PARD3B: variants seen among roughly 807,000 people sequenced by gnomAD.
PARD3B encodes the protein partitioning defective 3 homolog B.
Under a neutral mutation model 130.2 loss-of-function variants are expected in PARD3B, and 103 were observed. The ratio of observed to expected loss-of-function variants is 0.79; its 90% CI spans 0.67 to 0.93. The LOEUF (loss-of-function observed/expected upper bound fraction) is 0.93, where lower values mean the gene tolerates loss of function less well. Ranked by LOEUF, PARD3B falls within the 40% of genes least tolerant of loss-of-function variation. The pLI is 0.00. For missense variants in PARD3B, 1,609 were observed against 1,499.2 expected (o/e 1.07, Z -1.21); for synonymous variants, 583 against 553.2 (o/e 1.05, Z -0.76).
chr2:205,239,696 T>C (rs2039263783), intron 15 of PARD3B, among the ~76,000 whole-genome samples: 1 of 152,150 alleles, frequency 6.6e-6, no homozygotes, highest in South Asian at 2.1e-4. Flanking sequence ...ATATGGATAG[T>C]TGGATAACGA....
intron 1 of PARD3B, among the ~76,000 whole-genome samples, chr2:204,639,246 G>A (rs1398316723): frequency 6.6e-6 from 1 of 152,122 alleles, no homozygotes; most frequent in African/African-American, 2.4e-5. Flanking sequence ...GAAAGATGGG[G>A]CAGAACATAA....
intron 22 of PARD3B, among the ~76,000 whole-genome samples, chr2:205,593,447 A>T (rs2054460059): frequency 6.6e-6 from 1 of 152,190 alleles, no homozygotes. Context: ...GGTATTTTTC[A>T]GCTTCTGGTT....
At position 204,953,026 on chromosome 2, in the gene PARD3B, G is replaced by A. The variant is rs373828237; in HGVS notation, c.223-12126G>A. On this transcript the variant is annotated intron_variant, in intron 2 of 22. Transcript: ENST00000406610. ...AAAAAAAAAAGGTATATATATATAT[G>A]TGTGTATATATGTATATATGTATAT... is the stretch of plus-strand genomic sequence containing the variant. 6.6e-4 allele frequency among the ~76,000 whole-genome samples: 99 copies of A among 149,166 alleles called. No homozygotes were observed. In the East Asian group the frequency reaches 0.017, roughly 26 times the overall value.
At chr2:205,319,194 C>T (rs1038095540) in intron 18 of PARD3B, among the ~76,000 whole-genome samples, 2 of 152,116 alleles carry the variant, frequency 1.3e-5, no homozygotes, top group Non-Finnish European at 2.9e-5. Flanking sequence ...TTCAATAAAC[C>T]AGTAGAGCAC....
At chr2:204,897,143 T>G (rs2046667873) in intron 2 of PARD3B, among the ~76,000 whole-genome samples, 1 of 152,150 alleles carries the variant, frequency 6.6e-6, no homozygotes, top group African/African-American at 2.4e-5. Flanking sequence ...ACAAAATTAT[T>G]TATAATTTAG....
At chr2:205,072,228 A>T (rs1284335875) in intron 4 of PARD3B, among the ~76,000 whole-genome samples, 1 of 145,718 alleles carries the variant, frequency 6.9e-6, no homozygotes, top group Non-Finnish European at 1.5e-5. Context: ...CATAATTAAA[A>T]TAATTCAGGT....
At chr2:204,859,092 A>T (rs1183878300) in intron 2 of PARD3B, among the ~76,000 whole-genome samples, 1 of 152,034 alleles carries the variant, frequency 6.6e-6, no homozygotes, top group Admixed American at 6.6e-5. Context: ...TATTAAATAT[A>T]GTATGCTTCA....
At chr2:204,618,238 G>A (rs528562127) in intron 1 of PARD3B, among the ~76,000 whole-genome samples, 1 of 152,220 alleles carries the variant, frequency 6.6e-6, no homozygotes, top group African/African-American at 2.4e-5. Context: ...GCATATAGAG[G>A]GAACAGTGTG....
chr2:205,423,384 C>G (rs2047038937), intron 19 of PARD3B, among the ~76,000 whole-genome samples: 1 of 152,190 alleles, frequency 6.6e-6, no homozygotes, highest in African/African-American at 2.4e-5. Context: ...GTGGTTCTTT[C>G]ACCTGATACT....
In PARD3B at chr2:205,183,538, A is replaced by C. The variant is rs573849460; in HGVS notation, c.1925-2226A>C. 9.2e-4 allele frequency among the ~76,000 whole-genome samples: 140 copies of C among 152,250 alleles called. 1 individual carries two copies. The highest frequency in any genetic ancestry group is 1.1e-3 in the African/African-American group (45 of 41,552). ...CTAGGGTTGGAGGTGGTGCAGGGGCACAGTGCAGGCGCTGCCTTTGTGCTT... is the reference window on the plus strand; with the variant it reads ...CTAGGGTTGGAGGTGGTGCAGGGGCCCAGTGCAGGCGCTGCCTTTGTGCTT... On this transcript the variant is annotated intron_variant, in intron 13 of 22. Coordinates refer to ENST00000406610, the MANE Select transcript of PARD3B (RefSeq NM_001302769.2). This position sits in a 1 kb window ranked among gnomAD's most constrained non-coding sequence, Gnocchi z 5.2.
chr2:205,273,779 AT>A (rs1438102679), intron 16 of PARD3B, among the ~76,000 whole-genome samples: 2 of 152,202 alleles, frequency 1.3e-5, no homozygotes, highest in Non-Finnish European at 1.5e-5. Flanking sequence ...CTGACTCACA[AT>A]GTATACAGTC....
At chr2:205,134,210 C>T (rs1017287545) in intron 10 of PARD3B, among the ~76,000 whole-genome samples, 4 of 152,106 alleles carry the variant, frequency 2.6e-5, no homozygotes, top group African/African-American at 9.7e-5. Flanking sequence ...CTGCCCCTTA[C>T]CAGCATTTAC....
At chr2:205,331,782 C>CAAAAAAA (rs56654511) in intron 18 of PARD3B, among the ~76,000 whole-genome samples, 21,889 of 48,300 alleles carry the variant, frequency 0.45, 7,813 homozygotes, top group Admixed American at 0.56. Context: ...GACTCCGTCT[C>CAAAAAAA]AAAAAAAAAA....
At position 205,274,185 on chromosome 2, in the gene PARD3B, A is replaced by T. The variant is rs2040850792; in HGVS notation, c.2186-26345A>T. Among the ~76,000 whole-genome samples the T allele has an allele frequency of 6.6e-6, 1 of 152,136 alleles. No individual in the cohort carries two copies. Among genetic ancestry groups the T allele is most frequent in the Admixed American group, 6.5e-5 (1 of 15,280 alleles). On this transcript the variant is annotated intron_variant, in intron 16 of 22. Transcript: ENST00000406610. This position sits in a 1 kb window ranked among gnomAD's most constrained non-coding sequence, Gnocchi z 4.2. ...AATTACTATTGCCTATAATTTTCAT[A>T]TATATTATAACCTCTGAAGAGAATT...
chr2:205,179,885 TA>T (rs11292089), intron 13 of PARD3B, among the ~76,000 whole-genome samples: 113,906 of 151,922 alleles, frequency 0.75, 43,094 homozygotes, highest in African/African-American at 0.81. Flanking sequence ...AAGTGCATGC[TA>T]AAAAATACAA....
chr2:204,868,023 G>A (rs1363355623), intron 2 of PARD3B, among the ~76,000 whole-genome samples: 1 of 152,142 alleles, frequency 6.6e-6, no homozygotes, highest in Non-Finnish European at 1.5e-5. Context: ...GACTGTGAGT[G>A]TTCCCTGAGA....
intron 2 of PARD3B, among the ~76,000 whole-genome samples, chr2:204,933,867 A>G (rs1290068034): frequency 4.6e-5 from 7 of 152,188 alleles, no homozygotes; most frequent in Non-Finnish European, 8.8e-5. Context: ...TACCTTTGCC[A>G]TTGTGGATTA....
At chr2:205,166,758 G>C (rs10175667) in intron 11 of PARD3B, among the ~76,000 whole-genome samples, 25,832 of 152,094 alleles carry the variant, frequency 0.17, 2,322 homozygotes, top group Middle Eastern at 0.22. Flanking sequence ...TTCTCTCCCT[G>C]AATCAGGTGC....
chr2:204,677,064 C>G lies in PARD3B; in HGVS notation c.121-9117C>G, dbSNP rs926032933. ...GAACAGCACAGAAAAAGCCAAATCT[C>G]TCTTTTATGTGGAAGGCTTTTAGTT... is the stretch of plus-strand genomic sequence containing the variant. On this transcript the variant is annotated intron_variant, in intron 1 of 22. Coordinates refer to ENST00000406610, the MANE Select transcript of PARD3B (RefSeq NM_001302769.2). This position sits in a 1 kb window ranked among gnomAD's most constrained non-coding sequence, Gnocchi z 4.1. Among the ~76,000 whole-genome samples, 2 of 152,258 alleles carry G rather than the reference C, an allele frequency of 1.3e-5. No homozygotes were observed. The highest frequency in any genetic ancestry group is 2.1e-4 in the South Asian group (1 of 4,826).
Sources: allele counts gnomAD v4.1 joint callset (sites outside exome capture counted in the v4.1 genomes callset), GRCh38; gene constraint gnomAD v4.1.1; non-coding constraint Gnocchi (gnomAD v3.1); transcripts MANE v1.5; gene names NCBI Gene and HGNC (gene_info 2026-07-23, HGNC 2026-07-21).